PCSK5: variants seen among roughly 807,000 people sequenced by gnomAD.
PCSK5 encodes the protein proprotein convertase subtilisin/kexin type 5, also known as prohormone convertase 5.
In PCSK5, 129 loss-of-function variants were observed where a neutral mutation model predicts 233.2. The observed-to-expected ratio is 0.55, with a 90% CI of 0.48 to 0.64. PCSK5 has a LOEUF of 0.64. PCSK5 is among the 30% of genes least tolerant of loss of function. The pLI is 0.00. For synonymous variants in PCSK5, 825 were observed against 879.2 expected, an observed-to-expected ratio of 0.94 and a Z score of 1.09; for missense variants, 2,076 against 2,430.1, an observed-to-expected ratio of 0.85 and a Z score of 3.06.
At chr9:76,079,428 A>T (rs1374629707) in intron 7 of PCSK5, among the ~76,000 whole-genome samples, 3 of 152,132 alleles carry the variant, frequency 2.0e-5, no homozygotes, top group Non-Finnish European at 4.4e-5. Flanking sequence ...ATGAGCCACC[A>T]CAACCGGCCA....
chr9:76,320,851 TGTCACCAGGTTGGAGTGCAGTGGCA>T (rs1829178885), intron 30 of PCSK5, among the ~76,000 whole-genome samples: 1 of 150,310 alleles, frequency 6.7e-6, no homozygotes, highest in Non-Finnish European at 1.5e-5. Context: ...AGTCTCACTC[TGTCACCAGGTTGGAGTGCAGTGGCA>T]TGATCTCGGC....
intron 10 of PCSK5, among the ~76,000 whole-genome samples, chr9:76,144,518 G>A (rs1161264955): frequency 6.6e-6 from 1 of 152,152 alleles, no homozygotes; most frequent in East Asian, 1.9e-4. Flanking sequence ...CAAACTAAAG[G>A]GTTGAGTGGG....
At chr9:76,092,596 G>A (rs942294054) in intron 7 of PCSK5, among the ~76,000 whole-genome samples, 1 of 152,110 alleles carries the variant, frequency 6.6e-6, no homozygotes, top group Admixed American at 6.5e-5. Context: ...ACAAGGTCTC[G>A]CTATGTTGCC....
At chr9:75,959,947 T>C (rs1825269336) in intron 2 of PCSK5, among the ~76,000 whole-genome samples, 1 of 152,130 alleles carries the variant, frequency 6.6e-6, no homozygotes, top group African/African-American at 2.4e-5. Context: ...CCCTCTGAGG[T>C]AGATATTGTA....
chr9:75,931,629 GCTTT>G (rs1050110985), intron 1 of PCSK5, among the ~76,000 whole-genome samples: 1 of 152,184 alleles, frequency 6.6e-6, no homozygotes, highest in African/African-American at 2.4e-5. Flanking sequence ...TTGCTAGTTT[GCTTT>G]CCCAAAGTGG....
At chr9:76,062,275 C>T (rs1156238619) in intron 5 of PCSK5, among the ~76,000 whole-genome samples, 2 of 152,002 alleles carry the variant, frequency 1.3e-5, no homozygotes, top group Non-Finnish European at 2.9e-5. Context: ...TTGTGTATGA[C>T]AACCCAAAAT....
chr9:76,035,177 A>G (rs1242509883), intron 5 of PCSK5, among the ~76,000 whole-genome samples: 1 of 152,202 alleles, frequency 6.6e-6, no homozygotes, highest in East Asian at 1.9e-4. Context: ...TGACTGACAC[A>G]AGTATGTTTG....
rs763681905 is a variant in PCSK5, at chr9:76,354,101, C to T, written c.5136C>T (p.Asn1712=). Reference sequence around the variant, plus strand: ...AATGCAAGGGACCAGGGGCCAAGAACTGCACCTTGTGCCCTGCCAACCTGG... The same window carrying T: ...AATGCAAGGGACCAGGGGCCAAGAATTGCACCTTGTGCCCTGCCAACCTGG... ...CMECKGPGAK[N]CTLCPANLVL... The change falls in exon 37 of 38, where the codon AAC becomes AAT. Residue 1712 remains asparagine (N), a synonymous_variant. Transcript: ENST00000674117. The T allele has an allele frequency of 1.2e-6, 2 of 1,607,780 alleles. No homozygotes were observed. Among genetic ancestry groups the T allele is most frequent in the East Asian group, 2.2e-5 (1 of 44,714 alleles).
chr9:75,904,421 G>A (rs1229777747), intron 1 of PCSK5, among the ~76,000 whole-genome samples: 1 of 152,064 alleles, frequency 6.6e-6, no homozygotes, highest in Non-Finnish European at 1.5e-5. Flanking sequence ...AATATGTAAT[G>A]AATTCTCACT....
chr9:76,291,752 A>G (rs1828284169), intron 24 of PCSK5, among the ~76,000 whole-genome samples: 1 of 152,218 alleles, frequency 6.6e-6, no homozygotes, highest in Non-Finnish European at 1.5e-5. Context: ...TGAAGTGGAT[A>G]CTTGGGAAAA....
At chr9:76,058,937 G>A (rs1411905286) in intron 5 of PCSK5, among the ~76,000 whole-genome samples, 10 of 152,014 alleles carry the variant, frequency 6.6e-5, no homozygotes, top group Admixed American at 5.2e-4. Context: ...TTGAGCCCAG[G>A]AGTTTGAGGC....
intron 7 of PCSK5, among the ~76,000 whole-genome samples, chr9:76,074,702 C>T (rs1413161417): frequency 1.3e-5 from 2 of 152,158 alleles, no homozygotes; most frequent in Admixed American, 1.3e-4. Flanking sequence ...TAATAGTACT[C>T]ACAGAGATGT....
chr9:76,154,470 C>T (rs1823801383), intron 10 of PCSK5, among the ~76,000 whole-genome samples: 1 of 152,146 alleles, frequency 6.6e-6, no homozygotes, highest in East Asian at 1.9e-4. Flanking sequence ...GCCAGAGCAG[C>T]TGAGTGCAAG....
intron 14 of PCSK5, among the ~76,000 whole-genome samples, chr9:76,177,271 G>C (rs1823655270): frequency 6.6e-6 from 1 of 151,304 alleles, no homozygotes. Flanking sequence ...TCCAGCCTGG[G>C]AACAGAGTGA....
chr9:76,096,194 C>T lies in PCSK5; in HGVS notation c.1107+92C>T, dbSNP rs575518419. 4.3e-4 allele frequency: 287 copies of T among 660,246 alleles called. No homozygotes were observed. The African/African-American group carries it at 4.5e-3, about 10-fold the overall frequency. The allele number at this position is 660,246 out of a possible 1,614,324, so 40.9% of individuals were successfully genotyped here. A position where few individuals can be genotyped will look rare whatever the true frequency, so the allele number is the denominator to read the frequency against. ...AACCATAAACATATATATATATACA[C>T]ACACACACACACACACACACAGAAG... On this transcript the variant is annotated intron_variant, in intron 8 of 37. Transcript: ENST00000674117.
intron 32 of PCSK5, among the ~76,000 whole-genome samples, chr9:76,324,806 C>T (rs972715160): frequency 6.6e-6 from 1 of 152,068 alleles, no homozygotes; most frequent in African/African-American, 2.4e-5. Flanking sequence ...GCCCAGGATT[C>T]ACTCTGTTGA....
chr9:75,946,640 G>A (rs1260514956), intron 2 of PCSK5, among the ~76,000 whole-genome samples: 1 of 152,108 alleles, frequency 6.6e-6, no homozygotes, highest in Non-Finnish European at 1.5e-5. Flanking sequence ...CCAGACTGGA[G>A]TGCAGTGGCG....
chr9:75,951,102 A>T (rs1182780836), intron 2 of PCSK5, among the ~76,000 whole-genome samples: 1 of 152,250 alleles, frequency 6.6e-6, no homozygotes, highest in Non-Finnish European at 1.5e-5. Flanking sequence ...ACTGATGGAA[A>T]CAGGGTCAAG....
intron 20 of PCSK5, among the ~76,000 whole-genome samples, chr9:76,201,563 C>T (rs981450396): frequency 2.0e-5 from 3 of 152,124 alleles, no homozygotes; most frequent in South Asian, 2.1e-4. Flanking sequence ...GTGGAGTGTG[C>T]GACGGGTTTC....
Sources: allele counts gnomAD v4.1 joint callset (sites outside exome capture counted in the v4.1 genomes callset), GRCh38; gene constraint gnomAD v4.1.1; transcripts MANE v1.5; gene names NCBI Gene and HGNC (gene_info 2026-07-23, HGNC 2026-07-21).